Variants in PCLO observed in about 807,000 individuals in gnomAD.
PCLO encodes the protein piccolo presynaptic cytomatrix protein.
PCLO carries 82 observed loss-of-function variants against 427.5 expected under a neutral mutation model. That is an observed-to-expected ratio of 0.19 (90% CI 0.16 to 0.23). The LOEUF (loss-of-function observed/expected upper bound fraction) is 0.23. PCLO is among the 10% of genes least tolerant of loss of function. PCLO has a pLI of 1.00. For synonymous variants in PCLO, 2,357 were observed against 2,155.4 expected, an observed-to-expected ratio of 1.09 and a Z score of -2.59; for missense variants, 6,239 against 6,115.9, an observed-to-expected ratio of 1.02 and a Z score of -0.67.
chr7:82,765,819 A>G (rs1158968466), intron 22 of PCLO, among the ~76,000 whole-genome samples: 2 of 152,102 alleles, frequency 1.3e-5, no homozygotes, highest in Admixed American at 1.3e-4. Context: ...AAAATAAAGG[A>G]TCTCTAAAAT....
At chr7:82,814,539 GACA>G (rs1157903725) in intron 20 of PCLO, among the ~76,000 whole-genome samples, 2 of 150,554 alleles carry the variant, frequency 1.3e-5, no homozygotes, top group Non-Finnish European at 3.0e-5. Flanking sequence ...GTTTAAGCTG[GACA>G]ACAAGCTTAA....
At position 82,956,411 on chromosome 7, in the gene PCLO, T is replaced by C. The variant is rs1479310701; in HGVS notation, c.4542A>G (p.Glu1514=). 3 of 1,613,638 alleles carry C rather than the reference T, an allele frequency of 1.9e-6. No homozygotes were observed. The highest frequency in any genetic ancestry group is 8.5e-7 in the Non-Finnish European group (1 of 1,179,874). The part of the protein sequence containing the change: ...TTRREPYDSV[E]ESSESENSPV... ...GTGAGTTTTCACTTTCACTACTCTC[T>C]TCAACTGAATCATAAGGCTCTCTTC... Residue 1514 remains glutamate (E), a synonymous_variant, in exon 5 of 25, where the codon GAA becomes GAG. Transcript: ENST00000333891.
chr7:83,055,859 T>C (rs1331371740), intron 3 of PCLO, among the ~76,000 whole-genome samples: 6 of 152,164 alleles, frequency 3.9e-5, no homozygotes, highest in Non-Finnish European at 1.5e-5. Context: ...CTAAAAATGC[T>C]ATTATTCTTT....
chr7:82,931,327 G>C (rs1332617442), intron 6 of PCLO, among the ~76,000 whole-genome samples: 1 of 152,152 alleles, frequency 6.6e-6, no homozygotes, highest in Non-Finnish European at 1.5e-5. Flanking sequence ...ATTTAGTAGA[G>C]CATTTTAGGT....
chr7:82,809,861 A>G (rs1188311230), intron 20 of PCLO, among the ~76,000 whole-genome samples: 1 of 151,632 alleles, frequency 6.6e-6, no homozygotes, highest in Non-Finnish European at 1.5e-5. Context: ...TGATCATTCA[A>G]CTATATTTTT....
At chr7:82,796,175 AGATTT>A (rs1352919435) in intron 22 of PCLO, among the ~76,000 whole-genome samples, 1 of 152,202 alleles carries the variant, frequency 6.6e-6, no homozygotes, top group Non-Finnish European at 1.5e-5. Context: ...AATCTGGCTT[AGATTT>A]AAGACACAGA....
At chr7:83,131,447 C>T (rs1791569914) in intron 3 of PCLO, among the ~76,000 whole-genome samples, 3 of 151,966 alleles carry the variant, frequency 2.0e-5, no homozygotes. Flanking sequence ...CAACCAATGA[C>T]AAAATATGAC....
At chr7:83,076,464 T>C (rs931920480) in intron 3 of PCLO, among the ~76,000 whole-genome samples, 2 of 152,068 alleles carry the variant, frequency 1.3e-5, no homozygotes, top group South Asian at 2.1e-4. Context: ...AGTTTCACCA[T>C]GTTGGCCAGG....
At chr7:83,036,409 C>T (rs879835716) in intron 3 of PCLO, among the ~76,000 whole-genome samples, 3 of 152,148 alleles carry the variant, frequency 2.0e-5, no homozygotes, top group African/African-American at 4.8e-5. Context: ...TGCTAAAGCT[C>T]TTGCAGATTG....
chr7:83,028,353 C>T (rs1197246333), intron 3 of PCLO, among the ~76,000 whole-genome samples: 1 of 149,814 alleles, frequency 6.7e-6, no homozygotes, highest in African/African-American at 2.5e-5. Context: ...AACTCCCATT[C>T]ACAATTGCTT....
intron 9 of PCLO, among the ~76,000 whole-genome samples, chr7:82,902,139 C>T (rs1038997664): frequency 5.9e-5 from 9 of 151,772 alleles, no homozygotes; most frequent in African/African-American, 1.5e-4. Flanking sequence ...ATGTTTATTG[C>T]GGGACTATTC....
At chr7:83,078,778 C>T (rs1408018388) in intron 3 of PCLO, among the ~76,000 whole-genome samples, 1 of 152,040 alleles carries the variant, frequency 6.6e-6, no homozygotes, top group Non-Finnish European at 1.5e-5. Context: ...TCTGGCAATC[C>T]GCCTGCCTCG....
chr7:82,879,766 T>G, intron 9 of PCLO: 2 of 433,588 alleles, frequency 4.6e-6, no homozygotes, highest in Admixed American at 3.3e-5. Flanking sequence ...TGTAAAAATT[T>G]TATGAGAGGA....
chr7:83,130,232 T>C (rs1479811588), intron 3 of PCLO, among the ~76,000 whole-genome samples: 2 of 152,086 alleles, frequency 1.3e-5, no homozygotes, highest in African/African-American at 4.8e-5. Flanking sequence ...CACGCTGGAG[T>C]GTAGTAGGGA....
chr7:82,786,906 C>A (rs1790996372), intron 22 of PCLO, among the ~76,000 whole-genome samples: 1 of 152,148 alleles, frequency 6.6e-6, no homozygotes, highest in Non-Finnish European at 1.5e-5. Flanking sequence ...CATGTCCCTG[C>A]AAAGGACATG....
intron 16 of PCLO, among the ~76,000 whole-genome samples, chr7:82,833,358 G>C (rs1265501463): frequency 6.6e-6 from 1 of 152,242 alleles, no homozygotes; most frequent in African/African-American, 2.4e-5. Context: ...CCAGAGCGAG[G>C]CCCTTCATAT....
At chr7:83,107,650 T>A (rs1485133794) in intron 3 of PCLO, among the ~76,000 whole-genome samples, 2 of 150,886 alleles carry the variant, frequency 1.3e-5, no homozygotes, top group Non-Finnish European at 3.0e-5. Context: ...TAATTAATAC[T>A]AATAATTTAT....
At chr7:83,162,083 G>T (rs1792452852) in intron 1 of PCLO, among the ~76,000 whole-genome samples, 1 of 152,172 alleles carries the variant, frequency 6.6e-6, no homozygotes, top group Non-Finnish European at 1.5e-5. Flanking sequence ...GAGGGGAAGG[G>T]CTACAAAAGG....
chr7:82,883,369 G>A (rs1468056066), intron 9 of PCLO, among the ~76,000 whole-genome samples: 1 of 152,072 alleles, frequency 6.6e-6, no homozygotes, highest in African/African-American at 2.4e-5. Flanking sequence ...TTATCTCTGT[G>A]TTACAAATTA....
Sources: allele counts gnomAD v4.1 joint callset (sites outside exome capture counted in the v4.1 genomes callset), GRCh38; gene constraint gnomAD v4.1.1; transcripts MANE v1.5; gene names NCBI Gene and HGNC (gene_info 2026-07-23, HGNC 2026-07-21).